RSRC1: variants seen among roughly 807,000 people sequenced by gnomAD.
The protein encoded by RSRC1 is serine/Arginine-related protein 53.
A neutral mutation model predicts 49.1 loss-of-function variants in RSRC1; 39 were observed. That is an observed-to-expected ratio of 0.79 (90% CI 0.61 to 1.04). RSRC1 has a LOEUF of 1.04. RSRC1 is among the 50% of genes least tolerant of loss of function. The pLI is 0.00. For synonymous variants in RSRC1, 143 were observed against 130.8 expected, an observed-to-expected ratio of 1.09 and a Z score of -0.63; for missense variants, 388 against 402.4, an observed-to-expected ratio of 0.96 and a Z score of 0.31.
intron 4 of RSRC1, among the ~76,000 whole-genome samples, chr3:158,287,515 A>G (rs73166381): frequency 0.12 from 18,474 of 152,170 alleles, 1,385 homozygotes; most frequent in Middle Eastern, 0.2. Flanking sequence ...TTCTTTTCTT[A>G]TACCCCAGTT....
At chr3:158,528,688 A>G (rs1018799905) in intron 7 of RSRC1, among the ~76,000 whole-genome samples, 2 of 152,008 alleles carry the variant, frequency 1.3e-5, no homozygotes, top group Admixed American at 1.3e-4. Context: ...CAGCAACTGC[A>G]GAATCTGTAT....
chr3:158,198,482 C>T (rs922860441), intron 3 of RSRC1, among the ~76,000 whole-genome samples: 5 of 152,086 alleles, frequency 3.3e-5, no homozygotes, highest in South Asian at 2.1e-4. Flanking sequence ...GCATTTAGCC[C>T]ATTTATATTT....
chr3:158,164,463 C>A (rs1718422964), intron 3 of RSRC1, among the ~76,000 whole-genome samples: 1 of 151,712 alleles, frequency 6.6e-6, no homozygotes, highest in Admixed American at 6.6e-5. Flanking sequence ...TAAACATCTA[C>A]AAAATTATAA....
At chr3:158,223,840 C>T (rs1276484794) in intron 4 of RSRC1, among the ~76,000 whole-genome samples, 1 of 151,678 alleles carries the variant, frequency 6.6e-6, no homozygotes, top group African/African-American at 2.4e-5. Context: ...ATTGTTGTTG[C>T]CTCTGTTTGG....
At chr3:158,507,307 T>C (rs1739904424) in intron 7 of RSRC1, among the ~76,000 whole-genome samples, 1 of 152,118 alleles carries the variant, frequency 6.6e-6, no homozygotes, top group African/African-American at 2.4e-5. Context: ...TAAGTTTTAG[T>C]ATTTGATAGT....
intron 6 of RSRC1, among the ~76,000 whole-genome samples, chr3:158,439,011 A>G (rs1736218884): frequency 6.6e-6 from 1 of 152,240 alleles, no homozygotes; most frequent in Non-Finnish European, 1.5e-5. Context: ...AAGGATATGA[A>G]GAGGCACTTC....
At chr3:158,442,128 G>A (rs1487587784) in intron 6 of RSRC1, among the ~76,000 whole-genome samples, 3 of 152,090 alleles carry the variant, frequency 2.0e-5, no homozygotes, top group Admixed American at 2.0e-4. Context: ...AGTGAGGAGG[G>A]TCTCACCTTG....
At chr3:158,487,610 A>T (rs1184585276) in intron 7 of RSRC1, among the ~76,000 whole-genome samples, 2 of 152,030 alleles carry the variant, frequency 1.3e-5, no homozygotes, top group South Asian at 2.1e-4. Context: ...CTGAGTTGTG[A>T]TCCGAAAACC....
At chr3:158,433,845 T>C (rs1372040720) in intron 6 of RSRC1, among the ~76,000 whole-genome samples, 1 of 152,026 alleles carries the variant, frequency 6.6e-6, no homozygotes, top group Non-Finnish European at 1.5e-5. Context: ...ATGTTGGTTG[T>C]AATATCTGCT....
intron 9 of RSRC1, 104 bp downstream of exon 9, chr3:158,543,591 A>T (rs1713160175): frequency 8.3e-7 from 1 of 1,210,512 alleles, no homozygotes; most frequent in East Asian, 2.6e-5. Context: ...ATTGGAGGAA[A>T]CAGGTTCATA....
At chr3:158,183,048 C>T (rs750520969) in intron 3 of RSRC1, among the ~76,000 whole-genome samples, 1 of 152,100 alleles carries the variant, frequency 6.6e-6, no homozygotes. Context: ...CCAATTGTCA[C>T]TCCTTCCAAT....
At chr3:158,527,042 C>T (rs1409437784) in intron 7 of RSRC1, among the ~76,000 whole-genome samples, 1 of 149,722 alleles carries the variant, frequency 6.7e-6, no homozygotes, top group Non-Finnish European at 1.5e-5. Flanking sequence ...CAGTCATCAC[C>T]GTATCTATAT....
intron 3 of RSRC1, among the ~76,000 whole-genome samples, chr3:158,146,962 C>A (rs1430724785): frequency 1.3e-5 from 2 of 151,978 alleles, no homozygotes; most frequent in Admixed American, 6.6e-5. Context: ...AGAAGAAATA[C>A]AATATATACA....
chr3:158,396,806 T>C (rs183067470), intron 6 of RSRC1, among the ~76,000 whole-genome samples: 1 of 152,216 alleles, frequency 6.6e-6, no homozygotes, highest in Non-Finnish European at 1.5e-5. Flanking sequence ...TCAAAGGAAA[T>C]AACAGCAATA....
At chr3:158,427,871 T>C (rs1285304662) in intron 6 of RSRC1, among the ~76,000 whole-genome samples, 1 of 151,822 alleles carries the variant, frequency 6.6e-6, no homozygotes, top group African/African-American at 2.4e-5. Flanking sequence ...ATTTATATTA[T>C]TGCTTTTTTC....
At chr3:158,185,336 A>C (rs984970173) in intron 3 of RSRC1, among the ~76,000 whole-genome samples, 7 of 151,988 alleles carry the variant, frequency 4.6e-5, no homozygotes, top group Admixed American at 2.0e-4. Context: ...TCTCCACTGC[A>C]GAGATGGGCG....
intron 3 of RSRC1, among the ~76,000 whole-genome samples, chr3:158,196,315 G>T (rs1004620480): frequency 6.6e-6 from 1 of 152,214 alleles, no homozygotes; most frequent in Admixed American, 6.5e-5. Flanking sequence ...TGTTATTGGT[G>T]TATAAGAATG....
At chr3:158,350,451 G>A (rs1416259022) in intron 5 of RSRC1, among the ~76,000 whole-genome samples, 2 of 152,090 alleles carry the variant, frequency 1.3e-5, no homozygotes, top group Non-Finnish European at 2.9e-5. Flanking sequence ...TAGATTACGG[G>A]CATGAGCCAC....
chr3:158,351,171 A>G (rs905991323), intron 5 of RSRC1, among the ~76,000 whole-genome samples: 1 of 152,212 alleles, frequency 6.6e-6, no homozygotes, highest in African/African-American at 2.4e-5. Context: ...GTTTCAGCCA[A>G]GAGGCCTGTG....
Sources: allele counts gnomAD v4.1 joint callset (sites outside exome capture counted in the v4.1 genomes callset), GRCh38; gene constraint gnomAD v4.1.1; transcripts MANE v1.5; gene names NCBI Gene and HGNC (gene_info 2026-07-23, HGNC 2026-07-21).